MSN: variants seen among roughly 807,000 people sequenced by gnomAD.
MSN encodes epididymis luminal protein 70.
In MSN, 2 loss-of-function variants were observed where a neutral mutation model predicts 48.0. The observed-to-expected ratio is 0.04, with a 90% CI of 0.02 to 0.13. MSN has a LOEUF of 0.13. Ranked by LOEUF, MSN falls within the 10% of genes least tolerant of loss-of-function variation. MSN has a pLI of 1.00. For synonymous variants in MSN, 146 were observed against 166.9 expected (o/e 0.87, Z 0.97); for missense variants, 267 against 470.1 (o/e 0.57, Z 3.99).
chrX:65,627,420 A>G (rs909770820), intron 1 of MSN, among the ~76,000 whole-genome samples: 1 of 110,533 alleles, frequency 9.0e-6, no homozygotes, highest in Non-Finnish European at 1.9e-5. Flanking sequence ...ATGGCAGGAG[A>G]CGAAAGGCAC....
intron 10 of MSN, 71 bp downstream of exon 10, chrX:65,737,409 T>A: frequency 2.7e-6 from 3 of 1,094,504 alleles, no homozygotes; most frequent in African/African-American, 3.7e-5. Context: ...TACTTATAGC[T>A]ACTTTTGCTT....
chrX:65,652,098 C>G (rs757014529), intron 1 of MSN, among the ~76,000 whole-genome samples: 1 of 109,092 alleles, frequency 9.2e-6, no homozygotes, highest in African/African-American at 3.3e-5. Context: ...GGTCAGAGCC[C>G]TGAGGATGGG....
At position 65,740,119 on chromosome X, in the gene MSN, T is replaced by G. The variant is rs1162299369; in HGVS notation, c.*226T>G. 30 of 335,653 alleles carry G rather than the reference T, an allele frequency of 8.9e-5. No individual in the cohort carries two copies. The East Asian group carries it at 1.2e-3, about 14-fold the overall frequency. The allele number at this position is 335,653 out of a possible 1,213,427, so 27.7% of individuals were successfully genotyped here. ...GGTGCCAATGGAACCTCCTTTCTCT[T>G]CTCTGTTCCATTGAATCTGTATGGC... On this transcript the variant is annotated 3_prime_UTR_variant, in exon 13 of 13. Coordinates refer to ENST00000360270, the MANE Select transcript of MSN (RefSeq NM_002444.3).
intron 1 of MSN, among the ~76,000 whole-genome samples, chrX:65,659,075 C>T (rs1472691809): frequency 9.0e-6 from 1 of 110,512 alleles, no homozygotes; most frequent in African/African-American, 3.3e-5. Flanking sequence ...GACTCCTGAC[C>T]TCAGGTGATC....
intron 1 of MSN, among the ~76,000 whole-genome samples, chrX:65,673,883 T>C (rs2070969178): frequency 9.0e-6 from 1 of 111,542 alleles, no homozygotes; most frequent in African/African-American, 3.3e-5. Flanking sequence ...CTTGCTTGGC[T>C]CCAGTGTAGG....
At chrX:65,602,832 C>G (rs2070248131) in intron 1 of MSN, among the ~76,000 whole-genome samples, 2 of 112,137 alleles carry the variant, frequency 1.8e-5, no homozygotes, top group South Asian at 7.4e-4. Context: ...TACCATGCCT[C>G]AGATGTGTCA....
intron 1 of MSN, among the ~76,000 whole-genome samples, chrX:65,595,375 T>G (rs921231860): frequency 1.8e-5 from 2 of 111,881 alleles, no homozygotes; most frequent in South Asian, 7.3e-4. Context: ...GGCCATGCTC[T>G]CTGCACAGCC....
At chrX:65,698,290 G>A (rs182577622) in intron 1 of MSN, among the ~76,000 whole-genome samples, 1 of 112,367 alleles carries the variant, frequency 8.9e-6, no homozygotes, top group East Asian at 2.8e-4. Context: ...AACACCTTGT[G>A]TAAGAGCCCC....
intron 1 of MSN, among the ~76,000 whole-genome samples, chrX:65,643,496 C>T (rs192228745): frequency 9.0e-6 from 1 of 111,044 alleles, no homozygotes; most frequent in Non-Finnish European, 1.9e-5. Context: ...GTTCCTAGGC[C>T]CAGCGCACAT....
chrX:65,733,366 T>A, intron 7 of MSN, 86 bp downstream of exon 7: 6 of 771,346 alleles, frequency 7.8e-6, no homozygotes, highest in Non-Finnish European at 1.2e-5. Context: ...TTCTCTTCCT[T>A]TTCTGATGTG....
chrX:65,709,107 G>C (rs1351950545), intron 1 of MSN, among the ~76,000 whole-genome samples: 1 of 112,344 alleles, frequency 8.9e-6, no homozygotes, highest in Non-Finnish European at 1.9e-5. Context: ...ATGTAGTGAT[G>C]CAGTAAACAC....
chrX:65,718,989 T>C (rs751978148), intron 2 of MSN, among the ~76,000 whole-genome samples: 10 of 111,772 alleles, frequency 8.9e-5, no homozygotes, highest in Admixed American at 1.9e-4. Flanking sequence ...TGATACTTAA[T>C]TGGTGAAAAT....
At chrX:65,599,295 C>CAA (rs747060478) in intron 1 of MSN, among the ~76,000 whole-genome samples, 57 of 100,341 alleles carry the variant, frequency 5.7e-4, no homozygotes, top group African/African-American at 2.0e-3. Flanking sequence ...AACTCCGTCT[C>CAA]AAAAAAAAAA....
At chrX:65,643,599 G>A (rs2070674068) in intron 1 of MSN, among the ~76,000 whole-genome samples, 1 of 112,063 alleles carries the variant, frequency 8.9e-6, no homozygotes, top group Non-Finnish European at 1.9e-5. Context: ...TTGGCCTGGG[G>A]TGGTGTCCAG....
intron 1 of MSN, among the ~76,000 whole-genome samples, chrX:65,692,811 C>G (rs1326192792): frequency 1.8e-5 from 2 of 111,058 alleles, no homozygotes; most frequent in African/African-American, 6.6e-5. Context: ...TCCTGAATAG[C>G]TGGGATTACA....
intron 1 of MSN, among the ~76,000 whole-genome samples, chrX:65,595,883 T>C (rs1429096388): frequency 8.9e-6 from 1 of 112,076 alleles, no homozygotes; most frequent in Non-Finnish European, 1.9e-5. Flanking sequence ...TGAATGCCAG[T>C]TCAGAACTTT....
At chrX:65,588,503 G>A (rs927023089) in exon 1 of MSN, 18 of 760,201 alleles carry the variant, frequency 2.4e-5, no homozygotes, top group Middle Eastern at 6.6e-4. Context: ...TGAGCTCCGG[G>A]GGCAGCAGCA....
At chrX:65,612,310 GC>G (rs908703409) in intron 1 of MSN, among the ~76,000 whole-genome samples, 1 of 111,055 alleles carries the variant, frequency 9.0e-6, no homozygotes, top group African/African-American at 3.3e-5. Flanking sequence ...CTCACTAGAT[GC>G]TAGCTCCTTA....
chrX:65,588,477 C>A, exon 1 of MSN: 1 of 656,749 alleles, frequency 1.5e-6, no homozygotes, highest in Non-Finnish European at 1.9e-6. Context: ...GAGATCTCTC[C>A]ATGCAGGGGC....
Sources: allele counts gnomAD v4.1 joint callset (sites outside exome capture counted in the v4.1 genomes callset), GRCh38; gene constraint gnomAD v4.1.1; transcripts MANE v1.5; gene names NCBI Gene and HGNC (gene_info 2026-07-23, HGNC 2026-07-21).